Variants in PAPPA observed in about 807,000 individuals in gnomAD.
PAPPA encodes pappalysin 1, also known as pappalysin-1.
PAPPA carries 60 observed loss-of-function variants against 164.0 expected under a neutral mutation model. That is an observed-to-expected ratio of 0.37 (90% CI 0.30 to 0.45). The LOEUF is 0.45. PAPPA is among the 20% of genes least tolerant of loss of function. The pLI is 1.00. For synonymous variants in PAPPA, 875 were observed against 814.1 expected (o/e 1.07, Z -1.27); for missense variants, 1,782 against 2,087.3 (o/e 0.85, Z 2.85).
intron 10 of PAPPA, among the ~76,000 whole-genome samples, chr9:116,306,524 G>A (rs1369356762): frequency 1.3e-5 from 2 of 152,120 alleles, no homozygotes; most frequent in Non-Finnish European, 2.9e-5. Context: ...GTGCAAATTG[G>A]GTTGAACATC....
At chr9:116,248,304 G>A (rs544980327) in intron 7 of PAPPA, among the ~76,000 whole-genome samples, 4 of 152,152 alleles carry the variant, frequency 2.6e-5, no homozygotes, top group Non-Finnish European at 5.9e-5. Context: ...TTCTAGTACT[G>A]GTATCCTGAA....
intron 2 of PAPPA, among the ~76,000 whole-genome samples, chr9:116,204,828 C>G (rs569296266): frequency 6.6e-6 from 1 of 152,232 alleles, no homozygotes; most frequent in South Asian, 2.1e-4. Context: ...CCTTCACTAT[C>G]CCTAGACAGT....
At chr9:116,245,239 C>A (rs1351440771) in intron 7 of PAPPA, among the ~76,000 whole-genome samples, 3 of 152,052 alleles carry the variant, frequency 2.0e-5, no homozygotes, top group Non-Finnish European at 4.4e-5. Context: ...AGATACCCCC[C>A]AAACCCTGAA....
rs749773269 is a variant in PAPPA at position 116,271,394 on chromosome 9, A to G, written c.2931A>G (p.Gln977=). Residue 977 remains glutamine (Q), a synonymous_variant, in exon 9 of 22, where the codon CAA becomes CAG. Transcript: ENST00000328252. This position sits in a 1 kb window ranked among gnomAD's most constrained non-coding sequence, Gnocchi z 4.2. ...NGDGCSLFCR[Q]EVSFNCIDEP... is the part of the protein sequence containing the mutation. The stretch of plus-strand genomic sequence containing the variant: ...ATGGCTGCTCCCTTTTCTGCCGACA[A>G]GAAGTCTCCTTCAATTGTATTGGTA... 6.2e-7 allele frequency: 1 copy of G among 1,613,166 alleles called. No individual in the cohort carries two copies. The highest frequency in any genetic ancestry group is 1.1e-5 in the South Asian group (1 of 91,060).
Position 116,353,917 on chromosome 9 carries a change from C to T in PAPPA, c.4347+124C>T, listed in dbSNP as rs145696122. On this transcript the variant is annotated intron_variant, in intron 17 of 21. Transcript: ENST00000328252. The stretch of plus-strand genomic sequence containing the variant: ...AATCTCTGATCCTCATTTTCCTACC[C>T]GCAATACTGTTTTTGATTTGCTCAG... 157 of 632,702 alleles carry T rather than the reference C, an allele frequency of 2.5e-4. 2 individuals carry two copies. The highest frequency in any genetic ancestry group is 2.4e-3 in the African/African-American group (127 of 53,506). 39.2% of individuals were successfully genotyped at this position (632,702 alleles called of 1,614,324 possible).
intron 10 of PAPPA, among the ~76,000 whole-genome samples, chr9:116,306,276 A>C (rs929566114): frequency 7.2e-5 from 11 of 152,342 alleles, no homozygotes; most frequent in South Asian, 2.1e-4. Flanking sequence ...TTATCACAAT[A>C]AGTCTGCAGG....
chr9:116,300,275 G>GTTTTA (rs1202300043), intron 9 of PAPPA, among the ~76,000 whole-genome samples: 2 of 151,232 alleles, frequency 1.3e-5, no homozygotes, highest in Admixed American at 1.3e-4. Flanking sequence ...GTTTTGTTTT[G>GTTTTA]TTTTGTTTTT....
chr9:116,198,336 G>A (rs1402391615), intron 2 of PAPPA, among the ~76,000 whole-genome samples: 2 of 152,164 alleles, frequency 1.3e-5, no homozygotes, highest in Non-Finnish European at 2.9e-5. Context: ...GAAAATATAT[G>A]AACTCAGAGT....
chr9:116,184,915 C>G (rs1241412051), intron 1 of PAPPA, among the ~76,000 whole-genome samples: 1 of 152,190 alleles, frequency 6.6e-6, no homozygotes, highest in African/African-American at 2.4e-5. Context: ...GACACAGACA[C>G]AACCATTGCT....
At chr9:116,375,956 G>C (rs1273201961) in intron 19 of PAPPA, among the ~76,000 whole-genome samples, 1 of 151,348 alleles carries the variant, frequency 6.6e-6, no homozygotes, top group Non-Finnish European at 1.5e-5. Context: ...ATTCTTTAAA[G>C]AAATAATTGT....
At chr9:116,337,450 G>T (rs1416818270) in intron 13 of PAPPA, among the ~76,000 whole-genome samples, 1 of 152,150 alleles carries the variant, frequency 6.6e-6, no homozygotes, top group Non-Finnish European at 1.5e-5. Flanking sequence ...AGCAACAACT[G>T]TAAAGAACCA....
chr9:116,359,235 C>T (rs1191737248), intron 17 of PAPPA, among the ~76,000 whole-genome samples: 1 of 152,190 alleles, frequency 6.6e-6, no homozygotes, highest in East Asian at 1.9e-4. Flanking sequence ...ATAATTTCTA[C>T]TCTACTGTAT....
In PAPPA at chr9:116,292,664, G is replaced by A. The variant is rs138834224; in HGVS notation, c.2954-10093G>A. 9.5e-3 allele frequency among the ~76,000 whole-genome samples: 1,443 copies of A among 152,260 alleles called. 15 individuals are homozygous for A. Among genetic ancestry groups the A allele is most frequent in the South Asian group, 0.036 (174 of 4,824 alleles). ...GATGATTTTGTGATGCCTTTAAATAGGCAGATATTTAGTAGAGATATAATT... is the reference window on the plus strand; with the variant it reads ...GATGATTTTGTGATGCCTTTAAATAAGCAGATATTTAGTAGAGATATAATT... On this transcript the variant is annotated intron_variant, in intron 9 of 21. Coordinates refer to ENST00000328252, the MANE Select transcript of PAPPA (RefSeq NM_002581.5).
Position 116,187,391 on chromosome 9 carries a change from C to A in PAPPA, c.653C>A (p.Ala218Asp), listed in dbSNP as rs1419404325. The change falls in exon 2 of 22, where the codon GCC becomes GAC. Residue 218 changes from alanine to aspartate, a missense_variant. Ala to Asp is a moderately radical substitution (Grantham distance 126). Coordinates refer to ENST00000328252, the MANE Select transcript of PAPPA (RefSeq NM_002581.5). This position sits in a 1 kb window ranked among gnomAD's most constrained non-coding sequence, Gnocchi z 4.2. Reference protein sequence around the residue: ...MKLYVNGAQVATSGEQVGGIF... With the variant: ...MKLYVNGAQVDTSGEQVGGIF... ...CTCTATGTGAATGGTGCCCAGGTGGCCACCTCTGGGGAACAAGTGGGTGGC... is the reference window on the plus strand; with the variant it reads ...CTCTATGTGAATGGTGCCCAGGTGGACACCTCTGGGGAACAAGTGGGTGGC... 6.2e-7 allele frequency: 1 copy of A among 1,614,088 alleles called. No individual in the cohort carries two copies. The highest frequency in any genetic ancestry group is 2.2e-5 in the East Asian group (1 of 44,872).
intron 6 of PAPPA, among the ~76,000 whole-genome samples, chr9:116,231,539 A>G (rs1386432567): frequency 6.6e-6 from 1 of 152,082 alleles, no homozygotes; most frequent in East Asian, 1.9e-4. Context: ...CTAGTCTTGC[A>G]AGACTAAAAG....
At chr9:116,264,832 G>A (rs534347176) in intron 7 of PAPPA, among the ~76,000 whole-genome samples, 3 of 152,304 alleles carry the variant, frequency 2.0e-5, no homozygotes, top group African/African-American at 7.2e-5. Context: ...TTGTCAAAAA[G>A]GACATAGGGA....
intron 9 of PAPPA, among the ~76,000 whole-genome samples, chr9:116,279,734 C>T (rs923122376): frequency 1.3e-5 from 2 of 152,220 alleles, no homozygotes; most frequent in Non-Finnish European, 2.9e-5. Context: ...TCTGCACATA[C>T]ATGTGCCTTG....
intron 9 of PAPPA, among the ~76,000 whole-genome samples, chr9:116,296,512 A>C (rs1845509680): frequency 6.6e-6 from 1 of 152,210 alleles, no homozygotes; most frequent in Non-Finnish European, 1.5e-5. Context: ...TGTCTGCCTG[A>C]TAAGGAAACA....
chr9:116,160,374 A>T (rs543779797), intron 1 of PAPPA, among the ~76,000 whole-genome samples: 1 of 152,158 alleles, frequency 6.6e-6, no homozygotes, highest in East Asian at 1.9e-4. Flanking sequence ...GAGGCACCTG[A>T]TGTCAAATGA....
Sources: gnomAD v4.1 joint callset for allele counts (sites outside exome capture counted in the v4.1 genomes callset) on GRCh38, gnomAD v4.1.1 for gene constraint, Gnocchi (gnomAD v3.1) non-coding constraint, MANE v1.5 for transcripts, NCBI Gene and HGNC (gene_info 2026-07-23, HGNC 2026-07-21) for gene names.